The following DNAH14 variants were observed in gnomAD, a reference collection of about 807,000 sequenced individuals.
DNAH14 encodes dynein axonemal heavy chain 14.
A neutral mutation model predicts 520.9 loss-of-function variants in DNAH14; 478 were observed. The observed-to-expected ratio is 0.92, with a 90% CI of 0.85 to 0.99. DNAH14 has a LOEUF of 0.99. Ranked by LOEUF, DNAH14 falls within the 50% of genes least tolerant of loss-of-function variation. The pLI, the probability that DNAH14 is intolerant of heterozygous loss-of-function variation, is 0.00. For missense variants in DNAH14, 4,831 were observed against 5,234.5 expected (o/e 0.92, Z 2.38); for synonymous variants, 1,581 against 1,757.2 (o/e 0.90, Z 2.51).
intron 26 of DNAH14, among the ~76,000 whole-genome samples, chr1:225,120,002 G>A (rs922776008): frequency 3.9e-5 from 6 of 152,282 alleles, no homozygotes; most frequent in African/African-American, 1.4e-4. Context: ...CACCTTGCCT[G>A]CTGCCTAGAC....
chr1:225,307,649 T>C lies in DNAH14; in HGVS notation c.9114+80T>C, dbSNP rs2094275126. The C allele has an allele frequency of 5.6e-6, 6 of 1,077,462 alleles. No individual in the cohort carries two copies. In the Admixed American group the frequency reaches 1.4e-4, roughly 24 times the overall value. The allele number at this position is 1,077,462 out of a possible 1,614,324, so 66.7% of individuals were successfully genotyped here. On this transcript the variant is annotated intron_variant, in intron 59 of 85. Transcript: ENST00000682510. ...GTTTGAAAGCAAAGGCTCTGATACC[T>C]GACAAAGACAGGCTAGAATTCCAGC...
At chr1:225,082,190 G>GTGTGTGTGTGTGTGTGTT (rs1162678183) in intron 19 of DNAH14, among the ~76,000 whole-genome samples, 13 of 151,794 alleles carry the variant, frequency 8.6e-5, no homozygotes, top group Admixed American at 3.9e-4. Flanking sequence ...GTGTGTGTGT[G>GTGTGTGTGTGTGTGTGTT]TGTGTGTGCA....
At chr1:225,288,302 C>T (rs2093793069) in intron 54 of DNAH14, among the ~76,000 whole-genome samples, 2 of 152,076 alleles carry the variant, frequency 1.3e-5, no homozygotes, top group South Asian at 2.1e-4. Context: ...CTGATCAGAA[C>T]CCCTTGAAAC....
At chr1:225,320,223 C>T (rs1247477417) in intron 61 of DNAH14, among the ~76,000 whole-genome samples, 3 of 152,156 alleles carry the variant, frequency 2.0e-5, no homozygotes, top group African/African-American at 4.8e-5. Flanking sequence ...GCTCTCTGTG[C>T]CTGAGCTTCC....
intron 1 of DNAH14, among the ~76,000 whole-genome samples, chr1:224,932,226 A>G (rs1026470316): frequency 6.6e-6 from 1 of 151,990 alleles, no homozygotes. Context: ...CATTTTTTTC[A>G]AATACCTATT....
intron 51 of DNAH14, among the ~76,000 whole-genome samples, chr1:225,272,561 T>A (rs1003838536): frequency 6.6e-6 from 1 of 152,190 alleles, no homozygotes; most frequent in African/African-American, 2.4e-5. Context: ...AAATAGCACA[T>A]GTAATCTGTG....
At chr1:225,086,838 G>T (rs983580049) in intron 21 of DNAH14, among the ~76,000 whole-genome samples, 3 of 152,142 alleles carry the variant, frequency 2.0e-5, no homozygotes, top group Non-Finnish European at 2.9e-5. Flanking sequence ...AAATTTAGAA[G>T]TAAGGAACAG....
chr1:225,322,332 G>A (rs679638), intron 61 of DNAH14, among the ~76,000 whole-genome samples: 12 of 151,506 alleles, frequency 7.9e-5, no homozygotes, highest in South Asian at 2.1e-4. Context: ...CAAGTGATCC[G>A]CCCGCCTCAG....
At chr1:225,346,709 C>T in intron 71 of DNAH14, 55 bp downstream of exon 71, 1 of 1,402,162 alleles carries the variant, frequency 7.1e-7, no homozygotes, top group Non-Finnish European at 9.6e-7. Flanking sequence ...AGTGTGTTTC[C>T]TTCCTCTAAG....
chr1:225,369,608 A>G (rs1241403825), intron 77 of DNAH14, among the ~76,000 whole-genome samples: 1 of 152,126 alleles, frequency 6.6e-6, no homozygotes, highest in Admixed American at 6.5e-5. Flanking sequence ...CAGCTCTAAT[A>G]AACAAATATA....
At chr1:225,316,296 G>A (rs1220334627) in intron 60 of DNAH14, among the ~76,000 whole-genome samples, 1 of 152,176 alleles carries the variant, frequency 6.6e-6, no homozygotes, top group Non-Finnish European at 1.5e-5. Flanking sequence ...GCTCCACTGG[G>A]GTGGGATCCA....
chr1:225,202,688 TC>T (rs2087011164), intron 38 of DNAH14, among the ~76,000 whole-genome samples: 1 of 152,198 alleles, frequency 6.6e-6, no homozygotes, highest in Non-Finnish European at 1.5e-5. Flanking sequence ...TTCACGCCCT[TC>T]CCTGAGTTCT....
intron 8 of DNAH14, 24 bp from the exon 9 acceptor site, chr1:225,002,759 C>T (rs2063859837): frequency 6.5e-6 from 10 of 1,543,476 alleles, no homozygotes; most frequent in Non-Finnish European, 8.8e-6. Context: ...AGAGATATAT[C>T]TGTAGAAATT....
chr1:225,199,198 T>C (rs2086511596), intron 38 of DNAH14, among the ~76,000 whole-genome samples: 2 of 152,214 alleles, frequency 1.3e-5, no homozygotes, highest in Non-Finnish European at 2.9e-5. Flanking sequence ...ATCTACTGTT[T>C]CATTTCCAGT....
At chr1:225,361,197 C>G (rs2095488704) in intron 75 of DNAH14, among the ~76,000 whole-genome samples, 1 of 152,218 alleles carries the variant, frequency 6.6e-6, no homozygotes, top group African/African-American at 2.4e-5. Flanking sequence ...ATTATATGCA[C>G]TGATGGATAC....
intron 64 of DNAH14, among the ~76,000 whole-genome samples, chr1:225,325,513 T>C (rs2094644226): frequency 6.6e-6 from 1 of 151,914 alleles, no homozygotes; most frequent in Non-Finnish European, 1.5e-5. Flanking sequence ...CCAACTGTAC[T>C]TAACCTGTTT....
chr1:225,006,009 G>A (rs747144429), intron 9 of DNAH14, among the ~76,000 whole-genome samples: 9 of 152,076 alleles, frequency 5.9e-5, no homozygotes, highest in East Asian at 3.9e-4. Flanking sequence ...CTGAAGCCAC[G>A]GCAGAATAAC....
chr1:225,002,692 A>G, intron 8 of DNAH14, 91 bp from the exon 9 acceptor site: 1 of 1,187,984 alleles, frequency 8.4e-7, no homozygotes, highest in Non-Finnish European at 1.2e-6. Context: ...TTCAACTATA[A>G]GGATATTAAC....
At chr1:225,116,832 A>G (rs920562008) in intron 23 of DNAH14, among the ~76,000 whole-genome samples, 1 of 152,238 alleles carries the variant, frequency 6.6e-6, no homozygotes, top group Non-Finnish European at 1.5e-5. Flanking sequence ...GTCATGTAAC[A>G]CAAAGACTGA....
Sources: allele counts gnomAD v4.1 joint callset (sites outside exome capture counted in the v4.1 genomes callset), GRCh38; gene constraint gnomAD v4.1.1; transcripts MANE v1.5; gene names NCBI Gene and HGNC (gene_info 2026-07-23, HGNC 2026-07-21).